NIPSNAP1: variants seen among roughly 807,000 people sequenced by gnomAD.
NIPSNAP1 encodes the protein nipsnap homolog 1.
In NIPSNAP1, 25 loss-of-function variants were observed where a neutral mutation model predicts 49.2. The ratio of observed to expected loss-of-function variants is 0.51; its 90% CI spans 0.37 to 0.71. The LOEUF is 0.71. NIPSNAP1 is among the 30% of genes least tolerant of loss of function. The probability of loss-of-function intolerance (pLI) is 0.00; values close to 1 mark genes in which losing one functional copy is unlikely to be tolerated. For missense variants in NIPSNAP1, 294 were observed against 361.0 expected, an observed-to-expected ratio of 0.81 and a Z score of 1.50; for synonymous variants, 143 against 140.7, an observed-to-expected ratio of 1.02 and a Z score of -0.12.
intron 9 of NIPSNAP1, among the ~76,000 whole-genome samples, chr22:29,556,365 A>C (rs973131890): frequency 6.6e-6 from 1 of 152,046 alleles, no homozygotes; most frequent in African/African-American, 2.4e-5. Flanking sequence ...TCTCTACTAA[A>C]AATACAAAAT....
chr22:29,570,411 T>C lies in NIPSNAP1; in HGVS notation c.220A>G (p.Ile74Val). 1.9e-6 allele frequency: 3 copies of C among 1,614,028 alleles called. No individual in the cohort carries two copies. The highest frequency in any genetic ancestry group is 2.2e-5 in the South Asian group (2 of 91,076). The change falls in exon 2 of 10, where the codon ATC (isoleucine) becomes GTC (valine). Residue 74 changes from isoleucine to valine, a missense_variant. Ile to Val is a conservative substitution (Grantham distance 29). Transcript: ENST00000216121. ...SKKETSNLYKIQFHNVKPEYL... is the reference protein window; with the variant it reads ...SKKETSNLYKVQFHNVKPEYL... Reference sequence around the variant, plus strand: ...CAGCTCAGCAGCCACTCACACTGGATCTTATAGAGGTTGCTGGTTTCCTTC... The same window carrying C: ...CAGCTCAGCAGCCACTCACACTGGACCTTATAGAGGTTGCTGGTTTCCTTC...
chr22:29,576,240 G>A (rs1375280387), intron 1 of NIPSNAP1, among the ~76,000 whole-genome samples: 4 of 150,718 alleles, frequency 2.7e-5, no homozygotes, highest in African/African-American at 5.0e-5. Flanking sequence ...GGCTGGTCTC[G>A]AACTCCTGAC....
intron 1 of NIPSNAP1, among the ~76,000 whole-genome samples, chr22:29,572,914 A>AG (rs1432040109): frequency 6.6e-6 from 1 of 152,074 alleles, no homozygotes; most frequent in Non-Finnish European, 1.5e-5. Flanking sequence ...CAGGAAATCA[A>AG]GGCTACAATG....
rs1058642 is a variant in NIPSNAP1 at position 29,561,581 on chromosome 22, G to A, written c.504C>T (p.Leu168=). 418,002 of 1,613,704 alleles carry A rather than the reference G, an allele frequency of 0.26. 56,390 individuals are homozygous for A. The highest frequency in any genetic ancestry group is 0.28 in the Non-Finnish European group (334,386 of 1,179,882). The stretch of plus-strand genomic sequence containing the variant: ...GTGGCTCATTCCAGAAGCTGAACTC[G>A]AGGAGCAGCTGGTTTCTCCTGGACA... ...MLLSRRNQLL[L]EFSFWNEPQP... is the part of the protein sequence containing the mutation. Residue 168 remains leucine (L), a synonymous_variant, in exon 6 of 10, where the codon CTC becomes CTT. Coordinates refer to ENST00000216121, the MANE Select transcript of NIPSNAP1 (RefSeq NM_003634.4).
chr22:29,562,709 C>G (rs1473568697), intron 4 of NIPSNAP1, among the ~76,000 whole-genome samples: 1 of 152,022 alleles, frequency 6.6e-6, no homozygotes, highest in Non-Finnish European at 1.5e-5. Context: ...AAGAGATTGA[C>G]AGTAGATGCC....
intron 6 of NIPSNAP1, 110 bp from the exon 7 acceptor site, chr22:29,561,312 G>T: frequency 6.7e-7 from 1 of 1,489,208 alleles, no homozygotes; most frequent in Non-Finnish European, 9.3e-7. Flanking sequence ...CCAAGCTGCA[G>T]CGGCCATTTG....
At chr22:29,571,973 C>T (rs2064411482) in intron 1 of NIPSNAP1, among the ~76,000 whole-genome samples, 1 of 152,058 alleles carries the variant, frequency 6.6e-6, no homozygotes, top group African/African-American at 2.4e-5. Context: ...AAATACTCGG[C>T]TGCCCTATCC....
chr22:29,555,556 C>G lies in NIPSNAP1; in HGVS notation c.*379G>C. ...GGCCTCCTCTCTTCCCACCCCACCT[C>G]TAGCCACTGGACATACTACCTTTTG... On this transcript the variant is annotated 3_prime_UTR_variant, in exon 10 of 10. Coordinates refer to ENST00000216121, the MANE Select transcript of NIPSNAP1 (RefSeq NM_003634.4). The G allele has an allele frequency of 3.3e-5, 9 of 271,744 alleles. No individual in the cohort carries two copies. In the South Asian group the frequency reaches 3.7e-4, roughly 11 times the overall value. The allele number at this position is 271,744 out of a possible 1,614,324, so 16.8% of individuals were successfully genotyped here. A position where few individuals can be genotyped will look rare whatever the true frequency, so the allele number is the denominator to read the frequency against.
chr22:29,566,812 G>A (rs1169648473), intron 4 of NIPSNAP1, among the ~76,000 whole-genome samples: 1 of 151,690 alleles, frequency 6.6e-6, no homozygotes, highest in East Asian at 1.9e-4. Context: ...AAACCAGAGT[G>A]AGACGCTGTC....
intron 4 of NIPSNAP1, among the ~76,000 whole-genome samples, chr22:29,568,143 C>T (rs778300262): frequency 8.9e-5 from 12 of 135,098 alleles, no homozygotes; most frequent in Non-Finnish European, 1.7e-4. Context: ...TATGCCACTG[C>T]ACTCCAGCCT....
rs1398489424 is a variant in NIPSNAP1, at chr22:29,554,888, A to G, written c.*1047T>C. 1 of 152,682 alleles carries G rather than the reference A, an allele frequency of 6.5e-6. No homozygotes were observed. The highest frequency in any genetic ancestry group is 6.5e-5 in the Admixed American group (1 of 15,278). The allele number at this position is 152,682 out of a possible 1,614,324, so 9.5% of individuals were successfully genotyped here. ...ATGGTAGGCAGAATCAAGCTACCCAAGGGTTCATGATGAGGTATGGGGGTC... is the reference window on the plus strand; with the variant it reads ...ATGGTAGGCAGAATCAAGCTACCCAGGGGTTCATGATGAGGTATGGGGGTC... On this transcript the variant is annotated 3_prime_UTR_variant, in exon 10 of 10. Coordinates refer to ENST00000216121, the MANE Select transcript of NIPSNAP1 (RefSeq NM_003634.4).
At chr22:29,571,443 T>A (rs2064406905) in intron 1 of NIPSNAP1, among the ~76,000 whole-genome samples, 1 of 152,252 alleles carries the variant, frequency 6.6e-6, no homozygotes, top group South Asian at 2.1e-4. Context: ...TATGATTATG[T>A]GCTTTGCCCA....
At chr22:29,570,299 C>T in intron 2 of NIPSNAP1, 92 bp from the exon 3 acceptor site, 1 of 1,603,416 alleles carries the variant, frequency 6.2e-7, no homozygotes, top group East Asian at 2.2e-5. Context: ...CCAGGGGTCC[C>T]AGGACAGCTG....
intron 1 of NIPSNAP1, among the ~76,000 whole-genome samples, chr22:29,578,028 A>T (rs2064468078): frequency 6.7e-6 from 1 of 150,138 alleles, no homozygotes; most frequent in Admixed American, 6.6e-5. Flanking sequence ...CCTCCAGAGT[A>T]GCTGGGATTA....
chr22:29,569,921 A>G (rs2064395022), intron 3 of NIPSNAP1: 2 of 513,336 alleles, frequency 3.9e-6, no homozygotes, highest in Non-Finnish European at 7.0e-6. Flanking sequence ...CCTGGGAGGC[A>G]GAGGTTGCAG....
At chr22:29,563,107 A>T (rs1170627085) in intron 4 of NIPSNAP1, among the ~76,000 whole-genome samples, 1 of 151,788 alleles carries the variant, frequency 6.6e-6, no homozygotes, top group African/African-American at 2.4e-5. Context: ...TTAAAAAAAA[A>T]AAAAAAAAAT....
At chr22:29,570,022 A>G (rs2064396271) in intron 3 of NIPSNAP1, 140 bp downstream of exon 3, 4 of 742,182 alleles carry the variant, frequency 5.4e-6, no homozygotes, top group East Asian at 5.1e-5. Context: ...AAAGAAAGAA[A>G]GAAAAAGGCA....
chr22:29,564,468 C>T (rs774159595), intron 4 of NIPSNAP1: 9 of 463,250 alleles, frequency 1.9e-5, no homozygotes, highest in Non-Finnish European at 3.1e-5. Context: ...GGCTGGAGTG[C>T]GGTGGCGTGA....
At chr22:29,568,774 C>T (rs1569247471) in intron 4 of NIPSNAP1, among the ~76,000 whole-genome samples, 1 of 151,930 alleles carries the variant, frequency 6.6e-6, no homozygotes, top group Non-Finnish European at 1.5e-5. Flanking sequence ...CCTGGGGCAA[C>T]AAGAGTGAAA....
Sources: gnomAD v4.1 joint callset for allele counts (sites outside exome capture counted in the v4.1 genomes callset) on GRCh38, gnomAD v4.1.1 for gene constraint, MANE v1.5 for transcripts, NCBI Gene and HGNC (gene_info 2026-07-23, HGNC 2026-07-21) for gene names.